Variants in PLD5 observed in about 807,000 individuals in gnomAD.
PLD5 encodes phospholipase D family member 5.
PLD5 carries 36 observed loss-of-function variants against 61.1 expected under a neutral mutation model. That is an observed-to-expected ratio of 0.59 (90% CI 0.45 to 0.78). The LOEUF (loss-of-function observed/expected upper bound fraction) is 0.78. PLD5 is among the 30% of genes least tolerant of loss of function. PLD5 has a pLI of 0.00. For missense variants in PLD5, 515 were observed against 644.4 expected (o/e 0.80, Z 2.17); for synonymous variants, 243 against 242.8 (o/e 1.00, Z -0.01).
chr1:242,107,511 T>TC (rs1661158983), intron 8 of PLD5, among the ~76,000 whole-genome samples, 160 bp downstream of exon 8: 1 of 152,230 alleles, frequency 6.6e-6, no homozygotes, highest in Non-Finnish European at 1.5e-5. Flanking sequence ...ACTCTTTTTT[T>TC]CGTATGTGAT....
At chr1:242,392,593 A>G (rs1051485469) in intron 1 of PLD5, among the ~76,000 whole-genome samples, 1 of 152,116 alleles carries the variant, frequency 6.6e-6, no homozygotes, top group Admixed American at 6.5e-5. Flanking sequence ...CTCAGAGGAA[A>G]AACCTGTCTG....
intron 1 of PLD5, among the ~76,000 whole-genome samples, chr1:242,505,615 G>A (rs1274877480): frequency 6.6e-6 from 1 of 152,180 alleles, no homozygotes; most frequent in African/African-American, 2.4e-5. Flanking sequence ...GTCATCTCAT[G>A]GGAGTTTAAG....
intron 2 of PLD5, among the ~76,000 whole-genome samples, chr1:242,293,024 A>T (rs1011668394): frequency 1.3e-5 from 2 of 152,222 alleles, no homozygotes; most frequent in Non-Finnish European, 2.9e-5. Flanking sequence ...CCCTCATCAG[A>T]TGGATAATGT....
intron 5 of PLD5, among the ~76,000 whole-genome samples, chr1:242,154,782 C>T (rs1006587614): frequency 6.6e-6 from 1 of 152,084 alleles, no homozygotes; most frequent in African/African-American, 2.4e-5. Flanking sequence ...CGATGTTCAT[C>T]AGTAATATTG....
intron 1 of PLD5, among the ~76,000 whole-genome samples, chr1:242,508,796 G>A (rs897427068): frequency 2.0e-5 from 3 of 152,092 alleles, no homozygotes; most frequent in South Asian, 4.1e-4. Context: ...AAAAGCCATA[G>A]AGGGCCAGGC....
intron 5 of PLD5, among the ~76,000 whole-genome samples, chr1:242,169,233 A>C (rs1235920233): frequency 6.6e-6 from 1 of 152,108 alleles, no homozygotes; most frequent in Non-Finnish European, 1.5e-5. Flanking sequence ...TTTCCAACTG[A>C]GGTACCAGGT....
chr1:242,204,457 C>G (rs1471165590), intron 5 of PLD5, among the ~76,000 whole-genome samples: 2 of 152,250 alleles, frequency 1.3e-5, no homozygotes, highest in East Asian at 3.9e-4. Context: ...TTGCTGCCCA[C>G]CTTGCTGTAC....
intron 1 of PLD5, among the ~76,000 whole-genome samples, chr1:242,470,977 G>A (rs1355388381): frequency 6.6e-6 from 1 of 152,174 alleles, no homozygotes; most frequent in Non-Finnish European, 1.5e-5. Flanking sequence ...CCAGGTCTCT[G>A]GCACGAAAAA....
chr1:242,401,912 T>C (rs1354034398), intron 1 of PLD5, among the ~76,000 whole-genome samples: 1 of 152,224 alleles, frequency 6.6e-6, no homozygotes, highest in Non-Finnish European at 1.5e-5. Flanking sequence ...TTCTGGCACA[T>C]AGGGCTATTC....
intron 2 of PLD5, among the ~76,000 whole-genome samples, chr1:242,315,497 T>C (rs1676955097): frequency 6.6e-6 from 1 of 152,192 alleles, no homozygotes; most frequent in Admixed American, 6.5e-5. Flanking sequence ...GCTTACTCAC[T>C]TACCTTGCCT....
At chr1:242,106,452 G>A (rs1052262659) in intron 8 of PLD5, among the ~76,000 whole-genome samples, 1 of 152,192 alleles carries the variant, frequency 6.6e-6, no homozygotes, top group African/African-American at 2.4e-5. Context: ...TTCAGACCAT[G>A]ATGATTCACA....
chr1:242,254,306 T>A (rs1672887632), intron 4 of PLD5, among the ~76,000 whole-genome samples: 1 of 149,748 alleles, frequency 6.7e-6, no homozygotes, highest in South Asian at 2.1e-4. Context: ...CTAATTTAAT[T>A]CTCATAGCTC....
intron 4 of PLD5, among the ~76,000 whole-genome samples, chr1:242,257,727 A>C (rs949096598): frequency 3.9e-4 from 59 of 152,224 alleles, no homozygotes; most frequent in African/African-American, 1.4e-3. Context: ...CATGTTGCAC[A>C]TGATAAATAT....
At chr1:242,199,512 C>T (rs990119910) in intron 5 of PLD5, among the ~76,000 whole-genome samples, 41 of 152,160 alleles carry the variant, frequency 2.7e-4, no homozygotes, top group Non-Finnish European at 1.9e-4. Context: ...GCCTCGGCCT[C>T]CCAAAGGTCT....
intron 2 of PLD5, among the ~76,000 whole-genome samples, chr1:242,331,342 A>G (rs1299644436): frequency 6.6e-6 from 1 of 152,172 alleles, no homozygotes; most frequent in Non-Finnish European, 1.5e-5. Context: ...AGGATTAAAC[A>G]TGGAATAAGA....
At chr1:242,260,803 A>G (rs951581981) in intron 4 of PLD5, among the ~76,000 whole-genome samples, 1 of 152,258 alleles carries the variant, frequency 6.6e-6, no homozygotes, top group African/African-American at 2.4e-5. Flanking sequence ...AATAGGCCAC[A>G]GTACAGAGTA....
intron 1 of PLD5, among the ~76,000 whole-genome samples, chr1:242,446,439 T>C (rs992210532): frequency 6.6e-6 from 1 of 151,912 alleles, no homozygotes; most frequent in East Asian, 1.9e-4. Context: ...GGTGTGGTGG[T>C]GCATGCCTGC....
chr1:242,134,241 G>A (rs1663528296), intron 5 of PLD5, among the ~76,000 whole-genome samples: 1 of 152,060 alleles, frequency 6.6e-6, no homozygotes, highest in Admixed American at 6.6e-5. Context: ...TGAAATAATA[G>A]GTAGAACAAA....
intron 1 of PLD5, among the ~76,000 whole-genome samples, chr1:242,411,705 A>G (rs953112660): frequency 1.3e-5 from 2 of 152,222 alleles, no homozygotes; most frequent in African/African-American, 4.8e-5. Context: ...TGCAGTTGTA[A>G]GAAATAAGAG....
Sources: gnomAD v4.1 joint callset for allele counts (sites outside exome capture counted in the v4.1 genomes callset) on GRCh38, gnomAD v4.1.1 for gene constraint, MANE v1.5 for transcripts, NCBI Gene and HGNC (gene_info 2026-07-23, HGNC 2026-07-21) for gene names.